CNPY1: variants seen among roughly 807,000 people sequenced by gnomAD.
CNPY1 encodes canopy FGF signaling regulator 1, also known as protein canopy homolog 1.
A neutral mutation model predicts 14.4 loss-of-function variants in CNPY1; 14 were observed. The observed-to-expected ratio is 0.97, with a 90% CI of 0.64 to 1.52. CNPY1 has a LOEUF of 1.52. CNPY1 is among the 40% of genes most tolerant of loss of function. CNPY1 has a pLI of 0.00. For missense variants in CNPY1, 129 were observed against 131.5 expected, an observed-to-expected ratio of 0.98 and a Z score of 0.09; for synonymous variants, 43 against 46.5, an observed-to-expected ratio of 0.92 and a Z score of 0.31.
intron 2 of CNPY1, among the ~76,000 whole-genome samples, chr7:155,538,190 CT>C (rs1797044964): frequency 6.6e-6 from 1 of 152,196 alleles, no homozygotes; most frequent in Admixed American, 6.5e-5. Context: ...AAGTAATTTT[CT>C]TATTAAGGTG....
intron 2 of CNPY1, among the ~76,000 whole-genome samples, chr7:155,514,106 G>A (rs1796573135): frequency 6.6e-6 from 1 of 152,242 alleles, no homozygotes; most frequent in Non-Finnish European, 1.5e-5. Context: ...AGAGGAGAAA[G>A]TGACAGTACG....
rs894861787 is a variant in CNPY1 at position 155,502,528 on chromosome 7, G to A, written c.*540C>T. Reference sequence around the variant, plus strand: ...TTAGAGATGGGTTTTTAAACTTGTGGTTTCTAAAAATTTTAATTTCATTCC... The same window carrying A: ...TTAGAGATGGGTTTTTAAACTTGTGATTTCTAAAAATTTTAATTTCATTCC... On this transcript the variant is annotated 3_prime_UTR_variant, in exon 5 of 5. Transcript: ENST00000636446. 4 of 152,208 alleles carry A rather than the reference G, an allele frequency of 2.6e-5. No individual in the cohort carries two copies. The highest frequency in any genetic ancestry group is 9.7e-5 in the African/African-American group (4 of 41,424). 9.4% of individuals were successfully genotyped at this position (152,208 alleles called of 1,614,324 possible).
chr7:155,529,514 T>G (rs139552973), intron 2 of CNPY1, among the ~76,000 whole-genome samples: 10 of 152,330 alleles, frequency 6.6e-5, no homozygotes, highest in Non-Finnish European at 1.3e-4. Flanking sequence ...GGGTCCTTCC[T>G]TCCCTCTTCA....
chr7:155,543,136 CCTGA>C (rs1797107112), intron 2 of CNPY1, among the ~76,000 whole-genome samples: 1 of 152,184 alleles, frequency 6.6e-6, no homozygotes, highest in East Asian at 1.9e-4. Flanking sequence ...TTCTTTCCAG[CCTGA>C]CTGAGGTCCA....
intron 2 of CNPY1, among the ~76,000 whole-genome samples, chr7:155,510,010 G>C (rs1243360071): frequency 6.6e-6 from 1 of 152,156 alleles, no homozygotes; most frequent in Non-Finnish European, 1.5e-5. Context: ...GCCGCAGCCC[G>C]GGCCTTTGCG....
chr7:155,506,991 G>A (rs752318250), intron 4 of CNPY1, 29 bp downstream of exon 4: 4 of 1,419,274 alleles, frequency 2.8e-6, no homozygotes, highest in Non-Finnish European at 4.0e-6. Flanking sequence ...TGTGCGAGCA[G>A]CGAGCACATG....
chr7:155,527,484 G>A lies in CNPY1; in HGVS notation c.99+18347C>T, dbSNP rs189949141. Among the ~76,000 whole-genome samples, 11 of 122,324 alleles carry A rather than the reference G, an allele frequency of 9.0e-5. No individual in the cohort carries two copies. The East Asian group carries it at 2.8e-3, about 31-fold the overall frequency. 80.2% of individuals were successfully genotyped at this position (122,324 alleles called of 152,430 possible). On this transcript the variant is annotated intron_variant, in intron 2 of 4. Coordinates refer to ENST00000636446, the MANE Select transcript of CNPY1 (RefSeq NM_001393663.1). ...TGAGGCAAGTTCTCACTGTCACCCA[G>A]GCTGGAGTGCAGTGGTGCAATCACA...
At chr7:155,542,901 G>A (rs558305260) in intron 2 of CNPY1, among the ~76,000 whole-genome samples, 35 of 144,276 alleles carry the variant, frequency 2.4e-4, no homozygotes, top group South Asian at 1.2e-3. Context: ...ACCCACCCCC[G>A]CCCGAGGCTA....
intron 2 of CNPY1, among the ~76,000 whole-genome samples, chr7:155,530,279 C>A: frequency 6.8e-6 from 1 of 147,742 alleles, no homozygotes; most frequent in African/African-American, 2.5e-5. Flanking sequence ...GAAATAAACA[C>A]ACATCACCAG....
chr7:155,533,485 G>T (rs1054807187), intron 2 of CNPY1, among the ~76,000 whole-genome samples: 5 of 152,222 alleles, frequency 3.3e-5, no homozygotes, highest in African/African-American at 1.2e-4. Flanking sequence ...GCCTCAGAAT[G>T]ACAGCGAGGT....
chr7:155,545,211 A>C (rs1797143977), intron 2 of CNPY1, among the ~76,000 whole-genome samples: 1 of 152,202 alleles, frequency 6.6e-6, no homozygotes, highest in African/African-American at 2.4e-5. Flanking sequence ...AATGATGCTG[A>C]AATTGGCTTA....
rs71522007 is a variant in CNPY1, at chr7:155,520,428, CTTTTTTTTTTTTT to C, written c.100-11344_100-11332del. 7.8e-4 allele frequency among the ~76,000 whole-genome samples: 54 copies of C among 69,444 alleles called. 1 individual carries two copies. Among genetic ancestry groups the C allele is most frequent in the Middle Eastern group, 0.013 (1 of 78 alleles). The allele number at this position is 69,444 out of a possible 152,430, so 45.6% of individuals were successfully genotyped here. On this transcript the variant is annotated intron_variant, in intron 2 of 4. Coordinates refer to ENST00000636446, the MANE Select transcript of CNPY1 (RefSeq NM_001393663.1). ...TTTCTTTTTCTTTCTTTCTTTCTTT[CTTTTTTTTTTTTT>C]TTTTTTTTTTTTTGAGGCAGAGTTT...
chr7:155,514,591 C>A (rs1462764110), intron 2 of CNPY1, among the ~76,000 whole-genome samples: 1 of 152,176 alleles, frequency 6.6e-6, no homozygotes, highest in African/African-American at 2.4e-5. Context: ...GGCAAGACTT[C>A]CTTATAAAAT....
chr7:155,535,905 T>A (rs1797018664), intron 2 of CNPY1, among the ~76,000 whole-genome samples: 1 of 152,228 alleles, frequency 6.6e-6, no homozygotes, highest in Admixed American at 6.5e-5. Flanking sequence ...TGGAGAAGAC[T>A]ACAACATCTT....
intron 4 of CNPY1, among the ~76,000 whole-genome samples, chr7:155,503,374 A>T (rs542226968): frequency 6.6e-6 from 1 of 152,124 alleles, no homozygotes; most frequent in African/African-American, 2.4e-5. Flanking sequence ...TAGGATTTAA[A>T]GCAAGGCCAA....
intron 2 of CNPY1, 127 bp downstream of exon 2, chr7:155,545,704 C>T (rs902584728): frequency 5.1e-6 from 2 of 393,516 alleles, no homozygotes; most frequent in Admixed American, 8.9e-5. Flanking sequence ...GACTCAGAAG[C>T]AATTTAGAGC....
chr7:155,542,385 A>G (rs1224841902), intron 2 of CNPY1, among the ~76,000 whole-genome samples: 1 of 152,142 alleles, frequency 6.6e-6, no homozygotes, highest in Non-Finnish European at 1.5e-5. Flanking sequence ...GGGCGGGCGT[A>G]GGGAGCCAAG....
chr7:155,508,508 C>T (rs1450537299), intron 3 of CNPY1, among the ~76,000 whole-genome samples: 1 of 152,192 alleles, frequency 6.6e-6, no homozygotes, highest in East Asian at 1.9e-4. Context: ...TATGTGGAAA[C>T]CTGTGAGAGA....
At chr7:155,510,219 A>G (rs1291042353) in intron 2 of CNPY1, 1 of 152,212 alleles carries the variant, frequency 6.6e-6, no homozygotes, top group Non-Finnish European at 1.5e-5. Context: ...GGGGCGCACA[A>G]AGGGTCTCCG....
Sources: allele counts gnomAD v4.1 joint callset (sites outside exome capture counted in the v4.1 genomes callset), GRCh38; gene constraint gnomAD v4.1.1; transcripts MANE v1.5; gene names NCBI Gene and HGNC (gene_info 2026-07-23, HGNC 2026-07-21).